Variants in DENND4A observed in about 807,000 individuals in gnomAD.
DENND4A encodes C-myc promoter-binding protein.
In DENND4A, 70 loss-of-function variants were observed where a neutral mutation model predicts 199.3. The observed-to-expected ratio is 0.35, with a 90% CI of 0.29 to 0.43. DENND4A has a LOEUF of 0.43. Among genes scored for constraint, DENND4A ranks in the 20% least tolerant of loss-of-function variants. The pLI is 1.00. For synonymous variants in DENND4A, 686 were observed against 766.9 expected (o/e 0.89, Z 1.74); for missense variants, 1,723 against 2,255.8 (o/e 0.76, Z 4.78).
chr15:65,701,699 C>G, intron 18 of DENND4A, 63 bp downstream of exon 18: 1 of 1,458,648 alleles, frequency 6.9e-7, no homozygotes, highest in Non-Finnish European at 9.6e-7. Context: ...TAAATTATTT[C>G]TGCCATTAAT....
chr15:65,755,003 C>T (rs2076663245), intron 3 of DENND4A, among the ~76,000 whole-genome samples: 1 of 152,186 alleles, frequency 6.6e-6, no homozygotes, highest in Non-Finnish European at 1.5e-5. Context: ...GTGGAAAAGT[C>T]TCAAACATCC....
intron 14 of DENND4A, among the ~76,000 whole-genome samples, chr15:65,710,817 G>T (rs1053599798): frequency 6.6e-6 from 1 of 152,212 alleles, no homozygotes; most frequent in African/African-American, 2.4e-5. Flanking sequence ...CTTTGTGGTA[G>T]CAAGTGAGTT....
At chr15:65,682,415 T>C (rs2076610669) in intron 23 of DENND4A, among the ~76,000 whole-genome samples, 1 of 152,236 alleles carries the variant, frequency 6.6e-6, no homozygotes. Flanking sequence ...TCTGCTGGCT[T>C]CAAACTTTTC....
Position 65,729,131 on chromosome 15 carries a change from A to G in DENND4A, c.1428T>C (p.Asp476=), listed in dbSNP as rs1414622148. The G allele has an allele frequency of 1.3e-6, 2 of 1,593,172 alleles. No individual in the cohort carries two copies. Among genetic ancestry groups the G allele is most frequent in the Admixed American group, 1.8e-5 (1 of 57,060 alleles). ...FIVGIDSRYF[D]LYDPPPDVSC... The stretch of plus-strand genomic sequence containing the variant: ...TGACATCTGGTGGAGGATCATAGAG[A>G]TCAAAGTATCTTGAATCAATCCCTA... Residue 476 remains aspartate, a synonymous_variant, in exon 11 of 33, where the codon GAT becomes GAC. Transcript: ENST00000443035.
intron 5 of DENND4A, among the ~76,000 whole-genome samples, chr15:65,739,371 G>A (rs1003992100): frequency 1.3e-5 from 2 of 152,084 alleles, no homozygotes; most frequent in African/African-American, 4.8e-5. Flanking sequence ...CAATGTCTTA[G>A]GAATAGTATC....
At chr15:65,757,844 T>C (rs986262051) in intron 2 of DENND4A, among the ~76,000 whole-genome samples, 6 of 152,024 alleles carry the variant, frequency 3.9e-5, no homozygotes, top group African/African-American at 1.4e-4. Flanking sequence ...TAGCCAGGCG[T>C]GGTGACACAT....
chr15:65,704,638 T>A (rs757139171), intron 15 of DENND4A, among the ~76,000 whole-genome samples: 1 of 152,212 alleles, frequency 6.6e-6, no homozygotes, highest in African/African-American at 2.4e-5. Flanking sequence ...TCACGCAGGC[T>A]GGAGTGCAGT....
chr15:65,754,785 T>A (rs553122558), intron 3 of DENND4A, among the ~76,000 whole-genome samples: 2 of 152,154 alleles, frequency 1.3e-5, no homozygotes, highest in African/African-American at 4.8e-5. Context: ...CATGGAGAAA[T>A]TGGAACCCTC....
intron 18 of DENND4A, 43 bp from the exon 19 acceptor site, chr15:65,701,235 A>G: frequency 5.0e-6 from 7 of 1,408,200 alleles, no homozygotes; most frequent in Non-Finnish European, 6.7e-6. Flanking sequence ...AATAATTTTT[A>G]TAAGTGAACA....
intron 1 of DENND4A, among the ~76,000 whole-genome samples, chr15:65,778,636 T>A (rs1482632070): frequency 6.6e-6 from 1 of 151,834 alleles, no homozygotes; most frequent in Non-Finnish European, 1.5e-5. Flanking sequence ...CAGTGGCTCA[T>A]GCCTGTAATC....
At position 65,670,114 on chromosome 15, in the gene DENND4A, C is replaced by A; in HGVS notation, c.4539G>T (p.Trp1513Cys). ...TATTGAGATTTGAATCATCTGCTGT[C>A]CAGCCAGCCATGATTTCCTCATCAT... ...LVHDEEIMAG[W>C]TADDSNLNTT... The change falls in exon 26 of 33, where the codon TGG becomes TGT. Residue 1513 changes from tryptophan to cysteine, a missense_variant. This residue lies in a region of DENND4A where 7 missense variants were observed against 28.4 expected (regional missense o/e 0.25). Transcript: ENST00000443035. 1.9e-6 allele frequency: 3 copies of A among 1,601,054 alleles called. No individual in the cohort carries two copies. Among genetic ancestry groups the A allele is most frequent in the Non-Finnish European group, 1.7e-6 (2 of 1,173,206 alleles).
chr15:65,707,185 C>T (rs191540387), intron 14 of DENND4A, among the ~76,000 whole-genome samples: 7 of 151,992 alleles, frequency 4.6e-5, no homozygotes, highest in Admixed American at 1.3e-4. Flanking sequence ...TACTCGATAG[C>T]AAGGTAATAT....
At chr15:65,709,586 C>T (rs950253155) in intron 14 of DENND4A, among the ~76,000 whole-genome samples, 4 of 147,956 alleles carry the variant, frequency 2.7e-5, no homozygotes, top group East Asian at 2.1e-4. Flanking sequence ...CCCAGCTACT[C>T]GGGAAGCTAA....
At position 65,700,638 on chromosome 15, in the gene DENND4A, G is replaced by C; in HGVS notation, c.2739C>G (p.Ser913Arg). 2 of 1,546,184 alleles carry C rather than the reference G, an allele frequency of 1.3e-6. No individual in the cohort carries two copies. Among genetic ancestry groups the C allele is most frequent in the Non-Finnish European group, 1.7e-6 (2 of 1,145,050 alleles). ...GSDLDAVSHG[S>R]MDSGHGTHTV... ...TGTGTGTCCCATGACCACTATCCAT[G>C]CTGCCATGACTAACAGCATCCAGGT... is the stretch of plus-strand genomic sequence containing the variant. Residue 913 changes from serine (S) to arginine (R), a missense_variant, in exon 20 of 33, where the codon AGC (serine) becomes AGG (arginine). By Grantham distance (110) the Ser-to-Arg change is moderately radical (BLOSUM62 -1). Coordinates refer to ENST00000443035, the MANE Select transcript of DENND4A (RefSeq NM_001320835.1).
At chr15:65,730,184 T>C (rs1034506546) in intron 9 of DENND4A, among the ~76,000 whole-genome samples, 9 of 151,978 alleles carry the variant, frequency 5.9e-5, no homozygotes, top group Non-Finnish European at 1.3e-4. Flanking sequence ...ATGATAATAG[T>C]AATAGGAAAT....
Position 65,664,347 on chromosome 15 carries a change from C to A in DENND4A, c.5570G>T (p.Arg1857Ile). The change falls in exon 32 of 33, where the codon AGA becomes ATA. Residue 1857 changes from arginine to isoleucine, a missense_variant. Transcript: ENST00000443035. ...ILFLSLVALGRENIDIDAFDK... is the reference protein window; with the variant it reads ...ILFLSLVALGIENIDIDAFDK... ...TAAATTACCTATATCAATGTTTTCT[C>A]TTCCCAGTGCCACAAGTGAGAGAAA... 1 of 1,594,748 alleles carries A rather than the reference C, an allele frequency of 6.3e-7. No individual in the cohort carries two copies. Among genetic ancestry groups the A allele is most frequent in the South Asian group, 1.1e-5 (1 of 89,016 alleles).
intron 12 of DENND4A, among the ~76,000 whole-genome samples, chr15:65,720,775 T>C (rs1314399832): frequency 6.6e-6 from 1 of 151,478 alleles, no homozygotes; most frequent in Admixed American, 6.6e-5. Flanking sequence ...GAGAAGCTAC[T>C]ATACGCCTCC....
intron 2 of DENND4A, among the ~76,000 whole-genome samples, chr15:65,758,373 G>A (rs62014408): frequency 0.07 from 10,661 of 152,242 alleles, 383 homozygotes; most frequent in African/African-American, 0.099. Context: ...AAATGGAGTA[G>A]TGCAAACATG....
intron 14 of DENND4A, among the ~76,000 whole-genome samples, chr15:65,706,493 C>T (rs377379258): frequency 0.27 from 28,068 of 102,378 alleles, 3,828 homozygotes; most frequent in East Asian, 0.72. Flanking sequence ...CACACACACA[C>T]ACATATATAT....
Sources: allele counts gnomAD v4.1 joint callset (sites outside exome capture counted in the v4.1 genomes callset), GRCh38; gene constraint gnomAD v4.1.1; regional missense constraint gnomAD v4.1.1; transcripts MANE v1.5; gene names NCBI Gene and HGNC (gene_info 2026-07-23, HGNC 2026-07-21).